Variants in CCM2 observed in about 807,000 individuals in gnomAD.
CCM2 encodes CCM2 scaffold protein.
CCM2 carries 25 observed loss-of-function variants against 44.9 expected under a neutral mutation model. The observed-to-expected ratio is 0.56, with a 90% CI of 0.41 to 0.78. CCM2 has a LOEUF of 0.78. CCM2 is among the 30% of genes least tolerant of loss of function. The pLI is 0.00. For synonymous variants in CCM2, 219 were observed against 241.1 expected (o/e 0.91, Z 0.85); for missense variants, 481 against 580.6 (o/e 0.83, Z 1.76).
chr7:45,051,383 G>GTATTTATT (rs71565942), intron 2 of CCM2, among the ~76,000 whole-genome samples: 14,604 of 150,508 alleles, frequency 0.097, 1,127 homozygotes, highest in African/African-American at 0.21. Flanking sequence ...GGATGCTTGG[G>GTATTTATT]TATTTATTTA....
chr7:45,052,605 G>C (rs531415083), intron 2 of CCM2, among the ~76,000 whole-genome samples: 4 of 152,290 alleles, frequency 2.6e-5, no homozygotes, highest in African/African-American at 9.6e-5. Context: ...ATTGGTTTGA[G>C]GAAGAAGTGT....
chr7:45,027,697 A>T, intron 1 of CCM2: 1 of 1,614,084 alleles, frequency 6.2e-7, no homozygotes, highest in Non-Finnish European at 8.5e-7. Context: ...TTCAGAAGTG[A>T]GTAGAGAATG....
In CCM2 at chr7:45,034,512, CTTTTTTTTTT is replaced by C. The variant is rs35845924; in HGVS notation, c.31-3727_31-3718del. Among the ~76,000 whole-genome samples the C allele has an allele frequency of 1.5e-3, 101 of 65,222 alleles. 1 individual carries two copies. Among genetic ancestry groups the C allele is most frequent in the African/African-American group, 6.3e-3 (99 of 15,678 alleles). The allele number at this position is 65,222 out of a possible 152,430, so 42.8% of individuals were successfully genotyped here. On this transcript the variant is annotated intron_variant, in intron 1 of 9. Coordinates refer to ENST00000258781, the MANE Select transcript of CCM2 (RefSeq NM_031443.4). ...ATAAGCATGTGCCACCATGCCTGGC[CTTTTTTTTTT>C]TTTTTTTTTTTTTGAGATGGAGTTT...
At chr7:45,058,051 G>A (rs1166131787) in intron 2 of CCM2, among the ~76,000 whole-genome samples, 4 of 152,226 alleles carry the variant, frequency 2.6e-5, no homozygotes, top group Non-Finnish European at 5.9e-5. Flanking sequence ...GCAGCAGGTA[G>A]ACTGACTCAT....
Position 45,069,894 on chromosome 7 carries a change from C to A in CCM2, c.678C>A (p.Ile226=), listed in dbSNP as rs762389537. The A allele has an allele frequency of 2.5e-6, 4 of 1,614,158 alleles. No individual in the cohort carries two copies. In the South Asian group the frequency reaches 4.4e-5, roughly 18 times the overall value. The change falls in exon 6 of 10, where the codon ATC becomes ATA. Residue 226 remains isoleucine (I), a synonymous_variant. Transcript: ENST00000258781. ...VFQVVYTEST[I]DFLDRAIFDG... The stretch of plus-strand genomic sequence containing the variant: ...AGGTTGTTTACACGGAGTCCACCAT[C>A]GACTTTCTGGACAGAGCGATATTTG...
chr7:45,048,773 A>AG (rs1562891662), intron 2 of CCM2, among the ~76,000 whole-genome samples: 1 of 151,814 alleles, frequency 6.6e-6, no homozygotes, highest in Non-Finnish European at 1.5e-5. Flanking sequence ...AAAAAAAAAA[A>AG]TTCTTTCTGT....
chr7:45,065,969 C>A (rs1798753878), intron 4 of CCM2, among the ~76,000 whole-genome samples: 1 of 152,186 alleles, frequency 6.6e-6, no homozygotes, highest in Non-Finnish European at 1.5e-5. Flanking sequence ...TTCTGACTCG[C>A]TTCTTGCAGG....
intron 6 of CCM2, chr7:45,072,406 C>T: frequency 4.0e-6 from 2 of 493,892 alleles, no homozygotes; most frequent in South Asian, 2.1e-5. Flanking sequence ...CCCCAGTAAC[C>T]CTGCCTGGCA....
chr7:45,038,944 A>T (rs1319582749), intron 2 of CCM2, among the ~76,000 whole-genome samples: 1 of 152,254 alleles, frequency 6.6e-6, no homozygotes, highest in Admixed American at 6.5e-5. Context: ...ATGAATAAAA[A>T]GGTATAAAGC....
chr7:45,018,488 C>T (rs1796353694), intron 1 of CCM2, among the ~76,000 whole-genome samples: 2 of 151,996 alleles, frequency 1.3e-5, no homozygotes, highest in South Asian at 2.1e-4. Context: ...TCCTGGGTAG[C>T]TGTGATTATA....
chr7:45,066,159 C>A (rs1483156845), intron 4 of CCM2, among the ~76,000 whole-genome samples: 6 of 152,130 alleles, frequency 3.9e-5, no homozygotes. Flanking sequence ...AAAAACAGGA[C>A]TTCTGGTCTT....
At chr7:45,004,765 T>G (rs1242772945) in intron 1 of CCM2, among the ~76,000 whole-genome samples, 1 of 152,090 alleles carries the variant, frequency 6.6e-6, no homozygotes, top group African/African-American at 2.4e-5. Flanking sequence ...CCCAGCACTT[T>G]GGGAGGCTGA....
At chr7:45,024,063 G>A (rs965465656) in intron 1 of CCM2, among the ~76,000 whole-genome samples, 1 of 151,966 alleles carries the variant, frequency 6.6e-6, no homozygotes, top group African/African-American at 2.4e-5. Flanking sequence ...CTCCTGCCTT[G>A]GCCTCCCAAA....
intron 1 of CCM2, among the ~76,000 whole-genome samples, chr7:45,013,644 A>G (rs1431193270): frequency 2.0e-5 from 3 of 152,190 alleles, no homozygotes; most frequent in South Asian, 4.1e-4. Flanking sequence ...GCTGATTGTT[A>G]TGATACTTTC....
In CCM2 at chr7:45,071,593, C is replaced by T. The variant is rs566744981; in HGVS notation, c.746-1133C>T. The T allele has an allele frequency of 3.7e-3, 1,313 of 353,646 alleles. 42 individuals carry two copies. The highest frequency in any genetic ancestry group is 0.027 in the South Asian group (1,279 of 47,070). 21.9% of individuals were successfully genotyped at this position (353,646 alleles called of 1,614,324 possible). On this transcript the variant is annotated intron_variant, in intron 6 of 9. Transcript: ENST00000258781. ...AAATATATTCTCTTATAATTCTATACGTTAAGAGTCCATTGTGGGTCCCAC... is the reference window on the plus strand; with the variant it reads ...AAATATATTCTCTTATAATTCTATATGTTAAGAGTCCATTGTGGGTCCCAC...
At chr7:45,001,651 A>G (rs1247508581) in intron 1 of CCM2, among the ~76,000 whole-genome samples, 1 of 152,164 alleles carries the variant, frequency 6.6e-6, no homozygotes, top group African/African-American at 2.4e-5. Flanking sequence ...CGCTTACAGG[A>G]GTACCTGGCC....
chr7:45,026,745 G>C (rs1562870834), intron 1 of CCM2, among the ~76,000 whole-genome samples: 2 of 151,724 alleles, frequency 1.3e-5, no homozygotes, highest in Non-Finnish European at 2.9e-5. Context: ...TGGGATAACA[G>C]GTGCCCATCA....
intron 1 of CCM2, among the ~76,000 whole-genome samples, chr7:45,001,021 TAATAA>T (rs2128708441): frequency 6.6e-6 from 1 of 152,374 alleles, no homozygotes; most frequent in Non-Finnish European, 1.5e-5. Flanking sequence ...AAATGGATTT[TAATAA>T]AATGTATCTT....
intron 1 of CCM2, among the ~76,000 whole-genome samples, chr7:45,035,208 T>A (rs1797158952): frequency 6.6e-6 from 1 of 152,232 alleles, no homozygotes; most frequent in African/African-American, 2.4e-5. Flanking sequence ...GTGATCTTAA[T>A]TTTTTATGCT....
Sources: allele counts gnomAD v4.1 joint callset (sites outside exome capture counted in the v4.1 genomes callset), GRCh38; gene constraint gnomAD v4.1.1; transcripts MANE v1.5; gene names NCBI Gene and HGNC (gene_info 2026-07-23, HGNC 2026-07-21).